The following CENPP variants were observed in gnomAD, a reference collection of about 807,000 sequenced individuals.
CENPP encodes centromere protein P.
Under a neutral mutation model 35.6 loss-of-function variants are expected in CENPP, and 24 were observed. The ratio of observed to expected loss-of-function variants is 0.67; its 90% CI spans 0.49 to 0.95. The LOEUF (loss-of-function observed/expected upper bound fraction) is 0.95, where lower values mean the gene tolerates loss of function less well. Ranked by LOEUF, CENPP falls within the 40% of genes least tolerant of loss-of-function variation. The pLI, the probability that CENPP is intolerant of heterozygous loss-of-function variation, is 0.00. For synonymous variants in CENPP, 120 were observed against 125.5 expected (o/e 0.96, Z 0.29); for missense variants, 332 against 345.3 (o/e 0.96, Z 0.31).
chr9:92,472,249 C>T (rs1040030718), intron 5 of CENPP, among the ~76,000 whole-genome samples: 6 of 151,934 alleles, frequency 3.9e-5, no homozygotes, highest in East Asian at 1.9e-4. Context: ...CCCAGCTACT[C>T]GGGAGGCTGA....
intron 5 of CENPP, among the ~76,000 whole-genome samples, chr9:92,587,892 A>G (rs1564012858): frequency 6.6e-6 from 1 of 152,170 alleles, no homozygotes; most frequent in Non-Finnish European, 1.5e-5. Context: ...TTGGGAAGCC[A>G]AGGTGGGCAG....
intron 5 of CENPP, among the ~76,000 whole-genome samples, chr9:92,591,245 C>T (rs1222561626): frequency 6.6e-6 from 1 of 151,970 alleles, no homozygotes; most frequent in African/African-American, 2.4e-5. Flanking sequence ...CGGTGAAACC[C>T]CGCCTCTACT....
At chr9:92,540,068 A>G (rs2131307203) in intron 5 of CENPP, among the ~76,000 whole-genome samples, 1 of 152,364 alleles carries the variant, frequency 6.6e-6, no homozygotes, top group South Asian at 2.1e-4. Flanking sequence ...ATAAATTTTT[A>G]AAGTGCACAG....
chr9:92,406,182 G>T (rs1012272498), intron 5 of CENPP, among the ~76,000 whole-genome samples: 1 of 152,154 alleles, frequency 6.6e-6, no homozygotes, highest in Non-Finnish European at 1.5e-5. Context: ...CTTAGGGAGG[G>T]GATGGGGGTA....
intron 5 of CENPP, among the ~76,000 whole-genome samples, chr9:92,410,844 T>C (rs949053319): frequency 6.6e-6 from 1 of 152,168 alleles, no homozygotes; most frequent in South Asian, 2.1e-4. Flanking sequence ...TTTATCCTTA[T>C]GACAACCATA....
In CENPP at chr9:92,474,742, C is replaced by CTCA. The variant is rs3078372; in HGVS notation, c.564+94925_564+94927dup. ...CTCTTGTTGGAAAAAGAGAGTTGTC[C>CTCA]TCATCATCATCATCATCATCATCAT... On this transcript the variant is annotated intron_variant, in intron 5 of 7. Transcript: ENST00000375587. The CTCA allele has an allele frequency of 0.2, 305,433 of 1,530,728 alleles. 20,662 individuals carry two copies. The highest frequency in any genetic ancestry group is 0.45 in the African/African-American group (31,839 of 70,208). The allele number at this position is 1,530,728 out of a possible 1,614,324, so 94.8% of individuals were successfully genotyped here. A position where few individuals can be genotyped will look rare whatever the true frequency, so the allele number is the denominator to read the frequency against.
chr9:92,471,236 GC>G (rs1184573819), intron 5 of CENPP, among the ~76,000 whole-genome samples: 1 of 145,890 alleles, frequency 6.9e-6, no homozygotes, highest in Non-Finnish European at 1.5e-5. Flanking sequence ...TCGCTCTGTT[GC>G]CCAGGCTGGA....
At position 92,617,540 on chromosome 9, in the gene CENPP, C is replaced by G. The variant is rs1455544805; in HGVS notation, c.*4391C>G. The G allele has an allele frequency of 6.6e-6, 1 of 152,598 alleles. No homozygotes were observed. The highest frequency in any genetic ancestry group is 1.5e-5 in the Non-Finnish European group (1 of 68,328). The allele number at this position is 152,598 out of a possible 1,614,324, so 9.5% of individuals were successfully genotyped here. The stretch of plus-strand genomic sequence containing the variant: ...GAGGCCAAGACTGGGCAAGAGGCCC[C>G]AGGGACACACCTGTCCCTTGTGCCA... On this transcript the variant is annotated 3_prime_UTR_variant, in exon 8 of 8. Transcript: ENST00000375587.
intron 5 of CENPP, among the ~76,000 whole-genome samples, chr9:92,567,393 T>TATATATATATATATATATAG (rs1554688302): frequency 5.6e-5 from 7 of 124,914 alleles, no homozygotes; most frequent in Admixed American, 3.8e-4. Flanking sequence ...TATATATATA[T>TATATATATATATATATATAG]ATAGATATAT....
intron 4 of CENPP, among the ~76,000 whole-genome samples, chr9:92,379,467 A>T (rs1842196764): frequency 6.6e-6 from 1 of 152,236 alleles, no homozygotes. Context: ...GTTCTTCATT[A>T]TTCTTTATTA....
At chr9:92,600,652 G>T in intron 5 of CENPP, 1 of 1,425,834 alleles carries the variant, frequency 7.0e-7, no homozygotes. Context: ...CCTTCTGGTG[G>T]GGGTTGTGTT....
intron 5 of CENPP, among the ~76,000 whole-genome samples, chr9:92,559,457 C>T (rs1849801849): frequency 6.6e-6 from 1 of 152,176 alleles, no homozygotes; most frequent in Non-Finnish European, 1.5e-5. Flanking sequence ...AATTGGGGCA[C>T]TCACAGTAGT....
chr9:92,521,861 A>G (rs561626678), intron 5 of CENPP, among the ~76,000 whole-genome samples: 4 of 151,548 alleles, frequency 2.6e-5, no homozygotes, highest in Admixed American at 2.0e-4. Context: ...TAGATGATCT[A>G]TTGTTATAAA....
At chr9:92,503,908 A>G (rs1846837358) in intron 5 of CENPP, among the ~76,000 whole-genome samples, 1 of 152,218 alleles carries the variant, frequency 6.6e-6, no homozygotes, top group African/African-American at 2.4e-5. Context: ...TTGAGGCTGC[A>G]TGGTTAAGTG....
At chr9:92,586,413 A>C (rs1338881007) in intron 5 of CENPP, among the ~76,000 whole-genome samples, 4 of 152,172 alleles carry the variant, frequency 2.6e-5, no homozygotes, top group African/African-American at 9.6e-5. Flanking sequence ...CAGAGCAAGC[A>C]GCAGACAAAT....
chr9:92,582,885 G>A (rs1293807115), intron 5 of CENPP, among the ~76,000 whole-genome samples: 1 of 152,154 alleles, frequency 6.6e-6, no homozygotes, highest in Non-Finnish European at 1.5e-5. Flanking sequence ...GGCCCACCGA[G>A]TCTTCAGATT....
intron 1 of CENPP, among the ~76,000 whole-genome samples, chr9:92,331,452 T>A (rs1468111475): frequency 6.6e-6 from 1 of 152,244 alleles, no homozygotes; most frequent in Non-Finnish European, 1.5e-5. Flanking sequence ...AGTGCTGGGA[T>A]TACAGGCGTG....
At chr9:92,405,843 C>T (rs183075234) in intron 5 of CENPP, among the ~76,000 whole-genome samples, 2 of 152,328 alleles carry the variant, frequency 1.3e-5, no homozygotes, top group African/African-American at 4.8e-5. Flanking sequence ...ATGTTATTAG[C>T]ATTCACTCAT....
chr9:92,512,475 A>C (rs931591849), intron 5 of CENPP, among the ~76,000 whole-genome samples: 1 of 152,138 alleles, frequency 6.6e-6, no homozygotes, highest in Admixed American at 6.5e-5. Context: ...ACAGAAACTG[A>C]TTTTTATTCT....
Sources: gnomAD v4.1 joint callset for allele counts (sites outside exome capture counted in the v4.1 genomes callset) on GRCh38, gnomAD v4.1.1 for gene constraint, MANE v1.5 for transcripts, NCBI Gene and HGNC (gene_info 2026-07-23, HGNC 2026-07-21) for gene names.